Variants in DPYD observed in about 807,000 individuals in gnomAD.
DPYD encodes dihydropyrimidine dehydrogenase, also known as dihydropyrimidine dehydrogenase [NADP(+)].
DPYD carries 109 observed loss-of-function variants against 116.2 expected under a neutral mutation model. The observed-to-expected ratio is 0.94, with a 90% CI of 0.80 to 1.10. DPYD has a LOEUF of 1.10. Ranked by LOEUF, DPYD falls within the 50% of genes least tolerant of loss-of-function variation. The pLI is 0.00. For synonymous variants in DPYD, 440 were observed against 432.0 expected (o/e 1.02, Z -0.23); for missense variants, 1,302 against 1,254.5 (o/e 1.04, Z -0.57).
At chr1:97,115,394 T>A (rs1218390729) in intron 20 of DPYD, among the ~76,000 whole-genome samples, 1 of 152,144 alleles carries the variant, frequency 6.6e-6, no homozygotes, top group Non-Finnish European at 1.5e-5. Flanking sequence ...AATAGCAAAT[T>A]GACAAAATTG....
At chr1:97,622,093 G>A (rs1656663606) in intron 8 of DPYD, among the ~76,000 whole-genome samples, 1 of 152,072 alleles carries the variant, frequency 6.6e-6, no homozygotes. Context: ...TATTCTCAAG[G>A]AAGTGGAGCA....
intron 7 of DPYD, among the ~76,000 whole-genome samples, chr1:97,690,436 T>G (rs367642506): frequency 6.6e-6 from 1 of 151,846 alleles, no homozygotes; most frequent in African/African-American, 2.4e-5. Flanking sequence ...TCTTTTTTCA[T>G]TTTTTATTAA....
chr1:97,466,563 T>C (rs1677334677), intron 13 of DPYD, among the ~76,000 whole-genome samples: 1 of 152,172 alleles, frequency 6.6e-6, no homozygotes, highest in Non-Finnish European at 1.5e-5. Context: ...TTTATAGTGC[T>C]CTATAATTAT....
chr1:97,868,795 A>T (rs1671520615), intron 2 of DPYD, among the ~76,000 whole-genome samples: 1 of 151,846 alleles, frequency 6.6e-6, no homozygotes, highest in Non-Finnish European at 1.5e-5. Context: ...TAATTTTAAC[A>T]TATCCCATAA....
At chr1:97,271,703 C>A (rs1664593161) in intron 18 of DPYD, among the ~76,000 whole-genome samples, 1 of 152,112 alleles carries the variant, frequency 6.6e-6, no homozygotes, top group Non-Finnish European at 1.5e-5. Flanking sequence ...TCAATTTAGT[C>A]CCTACTCACT....
At chr1:97,295,437 TA>T (rs1239061088) in intron 18 of DPYD, 2 of 106,008 alleles carry the variant, frequency 1.9e-5, no homozygotes, top group Non-Finnish European at 4.7e-5. Flanking sequence ...AATCTATAAA[TA>T]ACTTTTTTTT....
At chr1:97,773,073 AGT>A (rs1315782689) in intron 3 of DPYD, among the ~76,000 whole-genome samples, 1 of 152,210 alleles carries the variant, frequency 6.6e-6, no homozygotes, top group Non-Finnish European at 1.5e-5. Context: ...CTATGGAAGA[AGT>A]GTGAGTTTTA....
intron 16 of DPYD, among the ~76,000 whole-genome samples, chr1:97,368,108 T>C (rs1671133090): frequency 6.6e-6 from 1 of 152,066 alleles, no homozygotes; most frequent in Non-Finnish European, 1.5e-5. Context: ...ATAATAATTG[T>C]ATGCAAAAAG....
intron 19 of DPYD, among the ~76,000 whole-genome samples, chr1:97,216,936 C>T (rs944056511): frequency 6.7e-6 from 1 of 149,610 alleles, no homozygotes; most frequent in East Asian, 2.0e-4. Context: ...GATCTGGCAC[C>T]GTGGCTCATG....
intron 3 of DPYD, among the ~76,000 whole-genome samples, chr1:97,751,247 C>T (rs77258298): frequency 0.03 from 4,584 of 150,572 alleles, 102 homozygotes; most frequent in African/African-American, 0.063. Flanking sequence ...ACTTAATATA[C>T]TGGACACATA....
intron 14 of DPYD, among the ~76,000 whole-genome samples, chr1:97,426,677 A>C (rs1217747720): frequency 6.6e-6 from 1 of 152,062 alleles, no homozygotes; most frequent in Admixed American, 6.6e-5. Context: ...CTTCTATTTG[A>C]GAGATTTTTA....
At chr1:97,434,996 A>T (rs12129397) in intron 14 of DPYD, among the ~76,000 whole-genome samples, 63,656 of 151,778 alleles carry the variant, frequency 0.42, 13,667 homozygotes, top group Middle Eastern at 0.55. Flanking sequence ...AAATGGCTAT[A>T]CAAAACTAAG....
Position 97,415,905 on chromosome 1 carries a change from A to G in DPYD, c.1906-33444T>C, listed in dbSNP as rs755040717. Among the ~76,000 whole-genome samples, 50 of 151,384 alleles carry G rather than the reference A, an allele frequency of 3.3e-4. 1 individual carries two copies. The highest frequency in any genetic ancestry group is 1.2e-4 in the Non-Finnish European group (8 of 67,850). The stretch of plus-strand genomic sequence containing the variant: ...TGTCCTGTCTTCCCAAGAAGTTTAT[A>G]CTCCTTTGATGGTGGGGTCTCTTTC... On this transcript the variant is annotated intron_variant, in intron 14 of 22. Transcript: ENST00000370192.
chr1:97,291,288 A>G (rs1315546265), intron 18 of DPYD, among the ~76,000 whole-genome samples: 2 of 152,178 alleles, frequency 1.3e-5, no homozygotes, highest in African/African-American at 4.8e-5. Context: ...GCGATTCCTC[A>G]GGGATCTAGA....
intron 1 of DPYD, among the ~76,000 whole-genome samples, chr1:97,892,228 T>C (rs1571541183): frequency 6.6e-6 from 1 of 151,908 alleles, no homozygotes; most frequent in Non-Finnish European, 1.5e-5. Context: ...GAAATATCTA[T>C]TGATTAATGC....
At chr1:97,208,197 C>T (rs1173233968) in intron 19 of DPYD, among the ~76,000 whole-genome samples, 5 of 139,380 alleles carry the variant, frequency 3.6e-5, no homozygotes, top group South Asian at 2.3e-4. Context: ...ACTTTTTTTT[C>T]TTCCTCTTTC....
intron 3 of DPYD, among the ~76,000 whole-genome samples, chr1:97,810,708 T>G (rs962835764): frequency 1.3e-5 from 2 of 152,170 alleles, no homozygotes; most frequent in Non-Finnish European, 2.9e-5. Flanking sequence ...TCTGTATTCA[T>G]TTTAGATCCT....
intron 4 of DPYD, among the ~76,000 whole-genome samples, chr1:97,733,969 C>A (rs1663780524): frequency 6.6e-6 from 1 of 151,920 alleles, no homozygotes; most frequent in Admixed American, 6.6e-5. Context: ...TTTGCCTATG[C>A]CTGCACTGAG....
At chr1:97,177,645 T>G (rs1020470637) in intron 20 of DPYD, among the ~76,000 whole-genome samples, 5 of 151,354 alleles carry the variant, frequency 3.3e-5, no homozygotes, top group Non-Finnish European at 5.9e-5. Context: ...TAAGAGAAAG[T>G]ATGTATATTG....
Sources: gnomAD v4.1 joint callset for allele counts (sites outside exome capture counted in the v4.1 genomes callset) on GRCh38, gnomAD v4.1.1 for gene constraint, MANE v1.5 for transcripts, NCBI Gene and HGNC (gene_info 2026-07-23, HGNC 2026-07-21) for gene names.